GPC5: variants seen among roughly 807,000 people sequenced by gnomAD.
GPC5 encodes glypican-5.
GPC5 carries 47 observed loss-of-function variants against 53.9 expected under a neutral mutation model. The observed-to-expected ratio is 0.87, with a 90% CI of 0.69 to 1.11. The LOEUF is 1.11. Ranked by LOEUF, GPC5 falls within the 50% of genes most tolerant of loss-of-function variation. GPC5 has a pLI of 0.00. For synonymous variants in GPC5, 286 were observed against 263.3 expected (o/e 1.09, Z -0.84); for missense variants, 748 against 713.1 (o/e 1.05, Z -0.56).
chr13:92,482,118 CA>C (rs1216148587), intron 7 of GPC5, among the ~76,000 whole-genome samples: 1 of 150,236 alleles, frequency 6.7e-6, no homozygotes, highest in Non-Finnish European at 1.5e-5. Flanking sequence ...GCAACAAGGG[CA>C]AAACTCTGCC....
At chr13:91,678,937 A>T (rs1163664453) in intron 2 of GPC5, among the ~76,000 whole-genome samples, 1 of 152,142 alleles carries the variant, frequency 6.6e-6, no homozygotes, top group Non-Finnish European at 1.5e-5. Context: ...TGCAATGTGA[A>T]TCAAAGTGTA....
intron 6 of GPC5, among the ~76,000 whole-genome samples, chr13:91,965,190 AC>A (rs1215652946): frequency 6.6e-6 from 1 of 152,050 alleles, no homozygotes; most frequent in African/African-American, 2.4e-5. Flanking sequence ...TGTGTAAAAA[AC>A]GTGCACGTTG....
At chr13:91,650,444 T>C (rs2034671477) in intron 2 of GPC5, among the ~76,000 whole-genome samples, 1 of 151,560 alleles carries the variant, frequency 6.6e-6, no homozygotes, top group East Asian at 1.9e-4. Flanking sequence ...CTGCCTTTAT[T>C]TTATCTTTAC....
At chr13:91,800,823 A>T (rs1403124573) in intron 5 of GPC5, among the ~76,000 whole-genome samples, 6 of 152,064 alleles carry the variant, frequency 3.9e-5, no homozygotes, top group Non-Finnish European at 7.4e-5. Flanking sequence ...TTTCAACTTT[A>T]TGTGTAGTAT....
chr13:92,680,344 A>G (rs1043764629), intron 7 of GPC5, among the ~76,000 whole-genome samples: 10 of 152,328 alleles, frequency 6.6e-5, no homozygotes, highest in African/African-American at 2.4e-4. Context: ...GAGCTTCAAC[A>G]GCTTCAACTC....
chr13:92,221,363 G>A (rs985472299), intron 7 of GPC5, among the ~76,000 whole-genome samples: 5 of 152,096 alleles, frequency 3.3e-5, no homozygotes, highest in East Asian at 1.9e-4. Context: ...ATGCTAAGAG[G>A]CATTACTATA....
At chr13:91,540,823 A>C (rs559865641) in intron 2 of GPC5, among the ~76,000 whole-genome samples, 2 of 152,210 alleles carry the variant, frequency 1.3e-5, no homozygotes, top group Admixed American at 6.5e-5. Flanking sequence ...TGTGGCCCAG[A>C]TGACAGCTGA....
At chr13:91,878,780 A>G (rs2039232424) in intron 5 of GPC5, among the ~76,000 whole-genome samples, 2 of 152,182 alleles carry the variant, frequency 1.3e-5, no homozygotes, top group Admixed American at 6.6e-5. Context: ...GCCATGTGGA[A>G]CTGTGAGTCA....
At chr13:92,353,031 C>T (rs1941756899) in intron 7 of GPC5, among the ~76,000 whole-genome samples, 1 of 151,746 alleles carries the variant, frequency 6.6e-6, no homozygotes, top group African/African-American at 2.4e-5. Context: ...GAGGCCGAGG[C>T]GGGTGGATCA....
intron 7 of GPC5, among the ~76,000 whole-genome samples, chr13:92,759,675 T>G (rs1219152385): frequency 6.6e-6 from 1 of 152,104 alleles, no homozygotes; most frequent in Non-Finnish European, 1.5e-5. Flanking sequence ...ATACTTTTAT[T>G]TTTCCTTTCT....
At chr13:91,568,840 C>G (rs2031656242) in intron 2 of GPC5, among the ~76,000 whole-genome samples, 1 of 151,746 alleles carries the variant, frequency 6.6e-6, no homozygotes, top group Non-Finnish European at 1.5e-5. Context: ...CCTCCACCCC[C>G]AGGGTTGTAA....
intron 7 of GPC5, among the ~76,000 whole-genome samples, chr13:92,384,088 T>C (rs1357299506): frequency 6.6e-6 from 1 of 151,444 alleles, no homozygotes; most frequent in Non-Finnish European, 1.5e-5. Context: ...TATACAAAGA[T>C]TGGCATATTA....
chr13:92,056,291 T>C (rs1398284261), intron 6 of GPC5, among the ~76,000 whole-genome samples: 1 of 152,174 alleles, frequency 6.6e-6, no homozygotes, highest in East Asian at 1.9e-4. Context: ...TCTTTTATAC[T>C]TTTGCATTTT....
chr13:91,399,564 C>T (rs568567562), intron 1 of GPC5, among the ~76,000 whole-genome samples: 142 of 152,292 alleles, frequency 9.3e-4, no homozygotes, highest in Middle Eastern at 3.4e-3. Flanking sequence ...TTCCCCAGTG[C>T]CCCACCGGGG....
intron 7 of GPC5, among the ~76,000 whole-genome samples, chr13:92,792,997 A>T (rs760838320): frequency 2.6e-5 from 4 of 152,166 alleles, no homozygotes; most frequent in Non-Finnish European, 5.9e-5. Flanking sequence ...GTTATCAAGG[A>T]TATCCAGGAC....
At chr13:91,789,193 A>T (rs370361314) in intron 5 of GPC5, among the ~76,000 whole-genome samples, 2 of 151,830 alleles carry the variant, frequency 1.3e-5, no homozygotes, top group Admixed American at 6.6e-5. Context: ...AGCCTGGGTG[A>T]CAGAGCTAAA....
At chr13:92,556,464 G>A (rs1055871750) in intron 7 of GPC5, among the ~76,000 whole-genome samples, 12 of 151,730 alleles carry the variant, frequency 7.9e-5, no homozygotes, top group Middle Eastern at 6.8e-3. Context: ...TTTGGAAAAA[G>A]TCTTCGATGA....
At chr13:92,732,958 A>C (rs528574487) in intron 7 of GPC5, among the ~76,000 whole-genome samples, 1 of 151,674 alleles carries the variant, frequency 6.6e-6, no homozygotes, top group Admixed American at 6.6e-5. Context: ...ACTTGCCCCA[A>C]GGTCCGGGAA....
intron 7 of GPC5, among the ~76,000 whole-genome samples, chr13:92,510,521 T>A (rs1284214662): frequency 6.6e-6 from 1 of 152,214 alleles, no homozygotes; most frequent in African/African-American, 2.4e-5. Context: ...TTTAGAACAG[T>A]ATTATTCATT....
Sources: allele counts gnomAD v4.1 joint callset (sites outside exome capture counted in the v4.1 genomes callset), GRCh38; gene constraint gnomAD v4.1.1; transcripts MANE v1.5; gene names NCBI Gene and HGNC (gene_info 2026-07-23, HGNC 2026-07-21).